Variants in ADAM23 observed in about 807,000 individuals in gnomAD.
ADAM23 encodes disintegrin and metalloproteinase domain-containing protein 23.
ADAM23 carries 33 observed loss-of-function variants against 120.1 expected under a neutral mutation model. The ratio of observed to expected loss-of-function variants is 0.27; its 90% CI spans 0.21 to 0.37. ADAM23 has a LOEUF of 0.37. ADAM23 is among the 10% of genes least tolerant of loss of function. The pLI, the probability that ADAM23 is intolerant of heterozygous loss-of-function variation, is 1.00. For missense variants in ADAM23, 862 were observed against 1,058.2 expected, an observed-to-expected ratio of 0.81 and a Z score of 2.57; for synonymous variants, 367 against 375.2, an observed-to-expected ratio of 0.98 and a Z score of 0.25.
intron 2 of ADAM23, among the ~76,000 whole-genome samples, chr2:206,468,975 A>G (rs1055428465): frequency 3.3e-5 from 5 of 152,252 alleles, no homozygotes; most frequent in African/African-American, 4.8e-5. Flanking sequence ...ACACTTTTAA[A>G]CAACCAAATC....
chr2:206,562,019 G>A (rs1697778226), intron 12 of ADAM23, among the ~76,000 whole-genome samples, 184 bp from the exon 13 acceptor site: 1 of 152,210 alleles, frequency 6.6e-6, no homozygotes, highest in South Asian at 2.1e-4. Flanking sequence ...CACATAGTAA[G>A]AGGGGCTTTC....
At chr2:206,580,224 ATT>A (rs1698197011) in intron 18 of ADAM23, among the ~76,000 whole-genome samples, 1 of 151,942 alleles carries the variant, frequency 6.6e-6, no homozygotes, top group Admixed American at 6.6e-5. Flanking sequence ...CTCTTGTCTG[ATT>A]GCTCTGGCTA....
intron 3 of ADAM23, among the ~76,000 whole-genome samples, chr2:206,484,768 A>AG (rs1695975727): frequency 6.6e-6 from 1 of 152,176 alleles, no homozygotes; most frequent in African/African-American, 2.4e-5. Flanking sequence ...CCCAAATCTT[A>AG]CTTTGAATTG....
Position 206,483,036 on chromosome 2 carries a change from T to C in ADAM23, c.509+1728T>C, listed in dbSNP as rs534921588. On this transcript the variant is annotated intron_variant, in intron 3 of 25. Transcript: ENST00000264377. ...GGGACAGCTCAGCTCATGGAAGTTC[T>C]GGTATTTCACGTGTCAGTGCTGGGC... is the stretch of plus-strand genomic sequence containing the variant. 1.1e-4 allele frequency among the ~76,000 whole-genome samples: 17 copies of C among 152,284 alleles called. No individual in the cohort carries two copies. In the South Asian group the frequency reaches 3.1e-3, roughly 28 times the overall value.
rs202118098 is a variant in ADAM23 at position 206,548,269 on chromosome 2, T to G, written c.794-12T>G. 37 of 1,611,088 alleles carry G rather than the reference T, an allele frequency of 2.3e-5. No individual in the cohort carries two copies. The African/African-American group carries it at 4.4e-4, about 19-fold the overall frequency. ...AGCATAAAATTTTGATACTAATTTT[T>G]CCTTTCTGCAGCTATGGAAAGAGGT... On this transcript the variant is annotated splice_polypyrimidine_tract_variant and intron_variant, in intron 7 of 25. Transcript: ENST00000264377.
At chr2:206,589,701 A>G (rs1300069137) in intron 21 of ADAM23, among the ~76,000 whole-genome samples, 187 bp downstream of exon 21, 1 of 152,240 alleles carries the variant, frequency 6.6e-6, no homozygotes, top group Non-Finnish European at 1.5e-5. Flanking sequence ...AACTGTTACT[A>G]TGCTACAGAT....
Position 206,617,862 on chromosome 2 carries a change from G to C in ADAM23, c.*235G>C. The C allele has an allele frequency of 1.3e-6, 1 of 753,846 alleles. No homozygotes were observed. The highest frequency in any genetic ancestry group is 1.9e-6 in the Non-Finnish European group (1 of 534,354). The allele number at this position is 753,846 out of a possible 1,614,324, so 46.7% of individuals were successfully genotyped here. A position where few individuals can be genotyped will look rare whatever the true frequency, so the allele number is the denominator to read the frequency against. On this transcript the variant is annotated 3_prime_UTR_variant, in exon 26 of 26. Transcript: ENST00000264377. ...AACGGGGGAGGGGGCAAAAGACCATGCTATAAAAAGAACTGTTCCAGAATC... is the reference window on the plus strand; with the variant it reads ...AACGGGGGAGGGGGCAAAAGACCATCCTATAAAAAGAACTGTTCCAGAATC...
chr2:206,565,053 T>A lies in ADAM23; in HGVS notation c.1379T>A (p.Ile460Asn). Residue 460 changes from isoleucine to asparagine, a missense_variant, in exon 14 of 26, where the codon ATC becomes AAC. Coordinates refer to ENST00000264377, the MANE Select transcript of ADAM23 (RefSeq NM_003812.4). The stretch of plus-strand genomic sequence containing the variant: ...TGCACAGAATCCTGGGGTGGCTGCA[T>A]CATGGAGGAAACAGGGTAAATTTTC... ...CDCTESWGGC[I>N]MEETGVSHSR... 6.2e-7 allele frequency: 1 copy of A among 1,614,106 alleles called. No individual in the cohort carries two copies. The highest frequency in any genetic ancestry group is 8.5e-7 in the Non-Finnish European group (1 of 1,179,986).
chr2:206,592,759 A>C (rs1270031997), intron 22 of ADAM23, 23 bp downstream of exon 22: 3 of 1,608,760 alleles, frequency 1.9e-6, no homozygotes, highest in Non-Finnish European at 2.5e-6. Context: ...ATATTAGAAG[A>C]CCTAATAAGC....
intron 15 of ADAM23, among the ~76,000 whole-genome samples, chr2:206,568,984 G>A (rs942916397): frequency 3.9e-5 from 6 of 152,188 alleles, no homozygotes; most frequent in Non-Finnish European, 5.9e-5. Flanking sequence ...ACCTTGCGTC[G>A]TGAAAGTCAG....
At chr2:206,600,904 A>G (rs953451935) in intron 24 of ADAM23, among the ~76,000 whole-genome samples, 1 of 152,190 alleles carries the variant, frequency 6.6e-6, no homozygotes, top group East Asian at 1.9e-4. Context: ...TACGTTGTTC[A>G]TTTCACATGC....
At chr2:206,508,865 C>T (rs916601293) in intron 3 of ADAM23, among the ~76,000 whole-genome samples, 3 of 152,118 alleles carry the variant, frequency 2.0e-5, no homozygotes, top group Admixed American at 2.0e-4. Context: ...AGACTTGTAA[C>T]AAACGCACCT....
In ADAM23 at chr2:206,619,892, CCT is replaced by C. The variant is rs1188211541; in HGVS notation, c.*2269_*2270del. ...TGTAATAACAGGGCTATCTACAAGGCCTCTCAGCCTTACTCCTGGCTTCATAG... is the reference window on the plus strand; with the variant it reads ...TGTAATAACAGGGCTATCTACAAGGCCTCAGCCTTACTCCTGGCTTCATAG... On this transcript the variant is annotated 3_prime_UTR_variant, in exon 26 of 26. Transcript: ENST00000264377. The C allele has an allele frequency of 6.6e-6, 1 of 152,194 alleles. No homozygotes were observed. Among genetic ancestry groups the C allele is most frequent in the Middle Eastern group, 3.1e-3 (1 of 318 alleles). 9.4% of individuals were successfully genotyped at this position (152,194 alleles called of 1,614,324 possible).
chr2:206,477,896 AAATAT>A (rs1559225369), intron 2 of ADAM23, among the ~76,000 whole-genome samples: 2 of 113,460 alleles, frequency 1.8e-5, no homozygotes, highest in Non-Finnish European at 1.8e-5. Context: ...AAAAAAAAAA[AAATAT>A]ATATATATAT....
At chr2:206,504,103 G>T (rs1195695905) in intron 3 of ADAM23, among the ~76,000 whole-genome samples, 2 of 151,820 alleles carry the variant, frequency 1.3e-5, no homozygotes, top group Admixed American at 6.6e-5. Flanking sequence ...TATATTCCTT[G>T]ATATATTCAT....
intron 2 of ADAM23, among the ~76,000 whole-genome samples, chr2:206,459,520 C>A (rs896107022): frequency 5.3e-5 from 8 of 152,062 alleles, no homozygotes; most frequent in Non-Finnish European, 8.8e-5. Flanking sequence ...ATTTTCACAC[C>A]GTAATGTGTT....
chr2:206,536,225 T>TTGTG lies in ADAM23; in HGVS notation c.573+5291_573+5294dup, dbSNP rs71034460. 2.8e-4 allele frequency among the ~76,000 whole-genome samples: 42 copies of TTGTG among 151,550 alleles called. No homozygotes were observed. In the East Asian group the frequency reaches 4.6e-3, roughly 17 times the overall value. ...GAATGCTATTCCATTGCGTGTGTGT[T>TTGTG]TGTGTGTGTGTGTGTGTTGAAATAA... On this transcript the variant is annotated intron_variant, in intron 4 of 25. Coordinates refer to ENST00000264377, the MANE Select transcript of ADAM23 (RefSeq NM_003812.4).
Position 206,484,435 on chromosome 2 carries a change from T to C in ADAM23, c.509+3127T>C, listed in dbSNP as rs181571950. Reference sequence around the variant, plus strand: ...TCTGGTGTTGTTTTTTATATTTTATTTGTATTATTTTTAAAAATTGGAGTG... The same window carrying C: ...TCTGGTGTTGTTTTTTATATTTTATCTGTATTATTTTTAAAAATTGGAGTG... On this transcript the variant is annotated intron_variant, in intron 3 of 25. Coordinates refer to ENST00000264377, the MANE Select transcript of ADAM23 (RefSeq NM_003812.4). Among the ~76,000 whole-genome samples the C allele has an allele frequency of 1.4e-4, 21 of 152,302 alleles. No homozygotes were observed. The East Asian group carries it at 3.7e-3, about 27-fold the overall frequency.
intron 3 of ADAM23, among the ~76,000 whole-genome samples, chr2:206,519,139 T>C (rs1696794932): frequency 6.6e-6 from 1 of 152,178 alleles, no homozygotes; most frequent in South Asian, 2.1e-4. Flanking sequence ...GGTCAGCTCC[T>C]GGGTGCCTGT....
Sources: gnomAD v4.1 joint callset for allele counts (sites outside exome capture counted in the v4.1 genomes callset) on GRCh38, gnomAD v4.1.1 for gene constraint, MANE v1.5 for transcripts, NCBI Gene and HGNC (gene_info 2026-07-23, HGNC 2026-07-21) for gene names.